MINAR2: variants seen among roughly 807,000 people sequenced by gnomAD.
The protein encoded by MINAR2 is major intrinsically disordered NOTCH2-binding receptor 1-like.
A neutral mutation model predicts 16.1 loss-of-function variants in MINAR2; 21 were observed. The observed-to-expected ratio is 1.31, with a 90% CI of 0.93 to 1.88. The LOEUF (loss-of-function observed/expected upper bound fraction) is 1.88. Ranked by LOEUF, MINAR2 falls within the 40% of genes most tolerant of loss-of-function variation. The probability of loss-of-function intolerance (pLI) is 0.00; values close to 1 mark genes in which losing one functional copy is unlikely to be tolerated. For missense variants in MINAR2, 259 were observed against 229.8 expected (o/e 1.13, Z -0.82); for synonymous variants, 86 against 83.0 (o/e 1.04, Z -0.20).
intron 2 of MINAR2, among the ~76,000 whole-genome samples, chr5:129,764,097 T>A (rs1245544466): frequency 6.6e-6 from 1 of 152,198 alleles, no homozygotes; most frequent in East Asian, 1.9e-4. Flanking sequence ...AAAAAATGTA[T>A]TTTTATAAAT....
At chr5:129,749,954 T>G (rs1183553165) in intron 1 of MINAR2, among the ~76,000 whole-genome samples, 1 of 152,238 alleles carries the variant, frequency 6.6e-6, no homozygotes, top group Admixed American at 6.5e-5. Context: ...TCTTTGAATA[T>G]GTGTTGTTAA....
At chr5:129,752,575 G>T (rs1757998835) in intron 1 of MINAR2, among the ~76,000 whole-genome samples, 1 of 152,082 alleles carries the variant, frequency 6.6e-6, no homozygotes, top group East Asian at 1.9e-4. Flanking sequence ...CCTGTCCGGG[G>T]TTTAATGGCA....
At chr5:129,749,380 A>G (rs964082162) in intron 1 of MINAR2, among the ~76,000 whole-genome samples, 5 of 152,156 alleles carry the variant, frequency 3.3e-5, no homozygotes, top group African/African-American at 9.7e-5. Flanking sequence ...ATCATTCAAA[A>G]TCAAGTACAC....
chr5:129,760,738 T>A lies in MINAR2; in HGVS notation c.393+133T>A, dbSNP rs867169573. On this transcript the variant is annotated intron_variant, in intron 2 of 2. Transcript: ENST00000564719. Reference sequence around the variant, plus strand: ...TCTCTAGATTTCAGAGCATTTTGGCTCCTGGCTTTTCTTTCTCCCTCCTAG... The same window carrying A: ...TCTCTAGATTTCAGAGCATTTTGGCACCTGGCTTTTCTTTCTCCCTCCTAG... 6.8e-5 allele frequency: 47 copies of A among 691,146 alleles called. No individual in the cohort carries two copies. In the Middle Eastern group the frequency reaches 2.4e-3, roughly 35 times the overall value. 42.8% of individuals were successfully genotyped at this position (691,146 alleles called of 1,614,324 possible).
At chr5:129,756,574 GT>G (rs1188035823) in intron 1 of MINAR2, among the ~76,000 whole-genome samples, 1 of 151,986 alleles carries the variant, frequency 6.6e-6, no homozygotes, top group Non-Finnish European at 1.5e-5. Flanking sequence ...AACATACGAT[GT>G]TTGGTTTTCC....
chr5:129,754,838 A>C (rs1334195134), intron 1 of MINAR2, among the ~76,000 whole-genome samples: 2 of 152,020 alleles, frequency 1.3e-5, no homozygotes, highest in Non-Finnish European at 2.9e-5. Flanking sequence ...TCTTTTATTT[A>C]CTTATGTTTC....
intron 1 of MINAR2, among the ~76,000 whole-genome samples, chr5:129,750,853 G>A (rs1450487293): frequency 2.0e-5 from 3 of 152,106 alleles, no homozygotes; most frequent in Non-Finnish European, 2.9e-5. Flanking sequence ...CAATAAATAC[G>A]TCAACCTGCG....
intron 1 of MINAR2, among the ~76,000 whole-genome samples, chr5:129,751,383 A>AT (rs1186897987): frequency 2.0e-5 from 3 of 151,986 alleles, no homozygotes; most frequent in Admixed American, 2.0e-4. Flanking sequence ...TAATTTTTGT[A>AT]TTTTTAGTAG....
rs1758192921 is a variant in MINAR2 at position 129,765,075 on chromosome 5, C to T, written c.*12C>T. ...CTTTTTTCACCTGAGGAAACTGCAA[C>T]AATCAGAGCTACTTTAAATTTCCTA... On this transcript the variant is annotated 3_prime_UTR_variant, in exon 3 of 3. Transcript: ENST00000564719. 1.6e-6 allele frequency: 2 copies of T among 1,257,428 alleles called. No homozygotes were observed. Among genetic ancestry groups the T allele is most frequent in the Non-Finnish European group, 2.0e-6 (2 of 998,910 alleles). 77.9% of individuals were successfully genotyped at this position (1,257,428 alleles called of 1,614,324 possible).
rs1217913791 is a variant in MINAR2, at chr5:129,748,357, T to C, written c.165+2T>C. ...TGGCAAAACCTTGTCTACTCACAGG[T>C]AAGATCTAGGGGCACAAAAATACGG... On this transcript the variant is annotated splice_donor_variant, in intron 1 of 2. Coordinates refer to ENST00000564719, the MANE Select transcript of MINAR2 (RefSeq NM_001257308.2). LOFTEE classifies it high-confidence loss of function. 3 of 1,534,538 alleles carry C rather than the reference T, an allele frequency of 2.0e-6. No individual in the cohort carries two copies. Among genetic ancestry groups the C allele is most frequent in the Non-Finnish European group, 2.6e-6 (3 of 1,146,358 alleles).
chr5:129,749,788 C>T (rs1757964122), intron 1 of MINAR2, among the ~76,000 whole-genome samples: 2 of 152,238 alleles, frequency 1.3e-5, no homozygotes, highest in South Asian at 4.1e-4. Context: ...GACCTATTTC[C>T]TTCATGTGGA....
rs557731975 is a variant in MINAR2 at position 129,765,359 on chromosome 5, T to C, written c.*296T>C. ...CTATATGCAACCCACATTAAATATCTTTATAGGGAGCAAACAGTATCAAAA... is the reference window on the plus strand; with the variant it reads ...CTATATGCAACCCACATTAAATATCCTTATAGGGAGCAAACAGTATCAAAA... On this transcript the variant is annotated 3_prime_UTR_variant, in exon 3 of 3. Coordinates refer to ENST00000564719, the MANE Select transcript of MINAR2 (RefSeq NM_001257308.2). 97 of 258,222 alleles carry C rather than the reference T, an allele frequency of 3.8e-4. No homozygotes were observed. The highest frequency in any genetic ancestry group is 6.5e-4 in the Non-Finnish European group (90 of 138,114). The allele number at this position is 258,222 out of a possible 1,614,324, so 16.0% of individuals were successfully genotyped here. A position where few individuals can be genotyped will look rare whatever the true frequency, so the allele number is the denominator to read the frequency against.
At chr5:129,762,625 T>C (rs1758151785) in intron 2 of MINAR2, 1 of 308,858 alleles carries the variant, frequency 3.2e-6, no homozygotes, top group Non-Finnish European at 6.6e-6. Context: ...GGTTTTCTGA[T>C]AATCCCATGT....
intron 1 of MINAR2, among the ~76,000 whole-genome samples, chr5:129,755,190 A>G (rs986564076): frequency 6.6e-6 from 1 of 152,080 alleles, no homozygotes; most frequent in Non-Finnish European, 1.5e-5. Flanking sequence ...TTCCCTGGTA[A>G]AAATCTGTTT....
chr5:129,751,231 CAT>C (rs1757981100), intron 1 of MINAR2, among the ~76,000 whole-genome samples: 1 of 151,694 alleles, frequency 6.6e-6, no homozygotes, highest in Non-Finnish European at 1.5e-5. Flanking sequence ...CTTTCTGAGA[CAT>C]AGTCTCACTC....
At position 129,765,609 on chromosome 5, in the gene MINAR2, A is replaced by G. The variant is rs1561686885; in HGVS notation, c.*546A>G. 6.6e-6 allele frequency: 1 copy of G among 152,180 alleles called. No individual in the cohort carries two copies. Among genetic ancestry groups the G allele is most frequent in the African/African-American group, 2.4e-5 (1 of 41,432 alleles). The allele number at this position is 152,180 out of a possible 1,614,324, so 9.4% of individuals were successfully genotyped here. A position where few individuals can be genotyped will look rare whatever the true frequency, so the allele number is the denominator to read the frequency against. ...TTTCCTGTATTTCTGTTTAAGTCAG[A>G]AAAAAGGAAAAAGGGAAATATCTTA... On this transcript the variant is annotated 3_prime_UTR_variant, in exon 3 of 3. Coordinates refer to ENST00000564719, the MANE Select transcript of MINAR2 (RefSeq NM_001257308.2).
At chr5:129,755,692 T>C (rs1203918951) in intron 1 of MINAR2, among the ~76,000 whole-genome samples, 1 of 152,086 alleles carries the variant, frequency 6.6e-6, no homozygotes, top group African/African-American at 2.4e-5. Context: ...GGTGCATTTG[T>C]GTCTCTATTA....
At chr5:129,753,134 C>T (rs552708051) in intron 1 of MINAR2, among the ~76,000 whole-genome samples, 3 of 152,114 alleles carry the variant, frequency 2.0e-5, no homozygotes, top group East Asian at 3.9e-4. Flanking sequence ...TCTGAACACA[C>T]GTCATGCCTT....
chr5:129,765,183 G>T lies in MINAR2; in HGVS notation c.*120G>T, dbSNP rs1167927020. The T allele has an allele frequency of 4.1e-6, 2 of 485,236 alleles. No individual in the cohort carries two copies. Among genetic ancestry groups the T allele is most frequent in the Non-Finnish European group, 6.6e-6 (2 of 303,714 alleles). The allele number at this position is 485,236 out of a possible 1,614,324, so 30.1% of individuals were successfully genotyped here. A position where few individuals can be genotyped will look rare whatever the true frequency, so the allele number is the denominator to read the frequency against. On this transcript the variant is annotated 3_prime_UTR_variant, in exon 3 of 3. Coordinates refer to ENST00000564719, the MANE Select transcript of MINAR2 (RefSeq NM_001257308.2). ...GTACATGCAGTGTGAATGGATTGTT[G>T]ATTGTATTATTAAATGTAATTGTCC...
Sources: allele counts gnomAD v4.1 joint callset (sites outside exome capture counted in the v4.1 genomes callset), GRCh38; gene constraint gnomAD v4.1.1; transcripts MANE v1.5; gene names NCBI Gene and HGNC (gene_info 2026-07-23, HGNC 2026-07-21).